ZNF791: variants seen among roughly 807,000 people sequenced by gnomAD.
The protein encoded by ZNF791 is zinc finger protein 791.
In ZNF791, 4 loss-of-function variants were observed where a neutral mutation model predicts 11.5. That is an observed-to-expected ratio of 0.35 (90% CI 0.17 to 0.80). ZNF791 has a LOEUF of 0.80. Ranked by LOEUF, ZNF791 falls within the 30% of genes least tolerant of loss-of-function variation. ZNF791 has a pLI of 0.53. For missense variants in ZNF791, 559 were observed against 699.4 expected (o/e 0.80, Z 2.26); for synonymous variants, 212 against 228.1 (o/e 0.93, Z 0.64).
chr19:12,619,266 T>C (rs1568287462), intron 1 of ZNF791, among the ~76,000 whole-genome samples: 2 of 152,286 alleles, frequency 1.3e-5, no homozygotes. Context: ...ATAATGCTCC[T>C]ACTATTTTTG....
At chr19:12,623,850 T>C (rs1568289131) in intron 2 of ZNF791, 24 bp downstream of exon 2, 6 of 949,256 alleles carry the variant, frequency 6.3e-6, no homozygotes, top group Non-Finnish European at 9.0e-6. Flanking sequence ...CATTTTTTCT[T>C]TTTTCTTTTT....
In ZNF791 at chr19:12,631,401, G is replaced by T. The variant is rs2023499834; in HGVS notation, c.*2141G>T. The T allele has an allele frequency of 6.6e-6, 1 of 152,108 alleles. No homozygotes were observed. The highest frequency in any genetic ancestry group is 2.4e-5 in the African/African-American group (1 of 41,396). 9.4% of individuals were successfully genotyped at this position (152,108 alleles called of 1,614,324 possible). A position where few individuals can be genotyped will look rare whatever the true frequency, so the allele number is the denominator to read the frequency against. ...CAATCTCTGCCTGTAAAATGCTCCAGAAAATTCACACCATGATATAAATTC... is the reference window on the plus strand; with the variant it reads ...CAATCTCTGCCTGTAAAATGCTCCATAAAATTCACACCATGATATAAATTC... On this transcript the variant is annotated 3_prime_UTR_variant, in exon 4 of 4. Transcript: ENST00000343325.
chr19:12,623,846 TTC>T lies in ZNF791; in HGVS notation c.130+22_130+23del, dbSNP rs2023387304. The T allele has an allele frequency of 8.9e-7, 1 of 1,120,552 alleles. No homozygotes were observed. Among genetic ancestry groups the T allele is most frequent in the South Asian group, 1.6e-5 (1 of 63,032 alleles). The allele number at this position is 1,120,552 out of a possible 1,614,324, so 69.4% of individuals were successfully genotyped here. ...CTATAGGTAAGGATGACATCATTTT[TTC>T]TTTTTTCTTTTTTTTTTTTTTTGGG... On this transcript the variant is annotated intron_variant, in intron 2 of 3. Coordinates refer to ENST00000343325, the MANE Select transcript of ZNF791 (RefSeq NM_153358.3).
intron 1 of ZNF791, 153 bp from the exon 2 acceptor site, chr19:12,623,547 T>C: frequency 2.2e-6 from 2 of 909,794 alleles, no homozygotes; most frequent in Non-Finnish European, 3.4e-6. Context: ...TAGCTATAAG[T>C]TTATGTGTTC....
chr19:12,612,249 G>A, intron 1 of ZNF791: 1 of 534,216 alleles, frequency 1.9e-6, no homozygotes, highest in Non-Finnish European at 2.4e-6. Flanking sequence ...GTGTTGCTCA[G>A]GCTGATCTTG....
chr19:12,615,779 CAA>C (rs1184737319), intron 1 of ZNF791, among the ~76,000 whole-genome samples: 40 of 58,382 alleles, frequency 6.9e-4, no homozygotes, highest in African/African-American at 9.2e-4. Context: ...GACTCCGTCT[CAA>C]AAAAAAAAAA....
At chr19:12,612,706 G>A (rs1459013902) in intron 1 of ZNF791, among the ~76,000 whole-genome samples, 15 of 146,184 alleles carry the variant, frequency 1.0e-4, no homozygotes, top group African/African-American at 3.1e-4. Flanking sequence ...TGATCCTCCC[G>A]CCTTGGCCTC....
In ZNF791 at chr19:12,629,221, C is replaced by A; in HGVS notation, c.1692C>A (p.Ser564=). ...CKQCGKAFSV[S]TSLKKHMRMH... is the part of the protein sequence containing the mutation. ...AATGTGGAAAAGCCTTCAGTGTGTC[C>A]ACATCCTTAAAAAAACATATGAGAA... Residue 564 remains serine, a synonymous_variant, in exon 4 of 4, where the codon TCC becomes TCA. Coordinates refer to ENST00000343325, the MANE Select transcript of ZNF791 (RefSeq NM_153358.3). 6.6e-7 allele frequency: 1 copy of A among 1,515,542 alleles called. No individual in the cohort carries two copies. Among genetic ancestry groups the A allele is most frequent in the South Asian group, 1.3e-5 (1 of 74,076 alleles). 93.9% of individuals were successfully genotyped at this position (1,515,542 alleles called of 1,614,324 possible). A position where few individuals can be genotyped will look rare whatever the true frequency, so the allele number is the denominator to read the frequency against.
chr19:12,626,051 T>C (rs952521935), intron 3 of ZNF791, among the ~76,000 whole-genome samples: 13 of 152,076 alleles, frequency 8.5e-5, no homozygotes, highest in Middle Eastern at 3.2e-3. Context: ...GGAGTCTCGC[T>C]CTGTCACCAG....
At chr19:12,620,016 C>T (rs1451867511) in intron 1 of ZNF791, among the ~76,000 whole-genome samples, 2 of 151,928 alleles carry the variant, frequency 1.3e-5, no homozygotes, top group East Asian at 3.9e-4. Context: ...CTCCGCCTCC[C>T]GGGTTCCCGC....
Position 12,611,011 on chromosome 19 carries a change from G to A in ZNF791, c.-69G>A. On this transcript the variant is annotated 5_prime_UTR_variant, in exon 1 of 4. Coordinates refer to ENST00000343325, the MANE Select transcript of ZNF791 (RefSeq NM_153358.3). ...GTCAGGTTGCTGTACCCCTGCATCG[G>A]ATGCGCTGTACCCTGCGCTGGCTCC... 6.2e-7 allele frequency: 1 copy of A among 1,610,770 alleles called. No individual in the cohort carries two copies. Among genetic ancestry groups the A allele is most frequent in the Non-Finnish European group, 8.5e-7 (1 of 1,177,338 alleles).
chr19:12,629,123 G>T lies in ZNF791; in HGVS notation c.1594G>T (p.Ala532Ser), dbSNP rs1332713977. 6.2e-7 allele frequency: 1 copy of T among 1,605,716 alleles called. No individual in the cohort carries two copies. The highest frequency in any genetic ancestry group is 1.3e-5 in the African/African-American group (1 of 74,594). ...CTATAAATGTAAAGAATGTGGGAAG[G>T]CCTTTAGTCTTCACAGTTCCTTTCA... ...KPYKCKECGK[A>S]FSLHSSFQRH... Residue 532 changes from alanine (A) to serine (S), a missense_variant, in exon 4 of 4, where the codon GCC becomes TCC. Coordinates refer to ENST00000343325, the MANE Select transcript of ZNF791 (RefSeq NM_153358.3).
chr19:12,615,008 TCAA>T (rs2023224558), intron 1 of ZNF791, among the ~76,000 whole-genome samples: 1 of 107,688 alleles, frequency 9.3e-6, no homozygotes, highest in African/African-American at 3.5e-5. Flanking sequence ...TCTCCTATGT[TCAA>T]CTTTTTTTTT....
rs1009143079 is a variant in ZNF791, at chr19:12,630,708, A to G, written c.*1448A>G. ...AAACATGGAGGCAGAAGACAATGAT[A>G]TTGATGATCCTCACCCCGTGTAGTC... On this transcript the variant is annotated 3_prime_UTR_variant, in exon 4 of 4. Coordinates refer to ENST00000343325, the MANE Select transcript of ZNF791 (RefSeq NM_153358.3). The G allele has an allele frequency of 2.0e-5, 3 of 152,116 alleles. No individual in the cohort carries two copies. The East Asian group carries it at 5.8e-4, about 29-fold the overall frequency. The allele number at this position is 152,116 out of a possible 1,614,324, so 9.4% of individuals were successfully genotyped here. A position where few individuals can be genotyped will look rare whatever the true frequency, so the allele number is the denominator to read the frequency against.
At chr19:12,613,793 GA>G (rs767102584) in intron 1 of ZNF791, among the ~76,000 whole-genome samples, 29 of 152,120 alleles carry the variant, frequency 1.9e-4, no homozygotes, top group Non-Finnish European at 3.7e-4. Context: ...ACCATGGAAG[GA>G]TCCTCTTGTA....
In ZNF791 at chr19:12,624,658, TGGGAAGACCC is replaced by T; in HGVS notation, c.141_150del (p.Trp47Ter). On this transcript the variant is annotated frameshift_variant, in exon 3 of 4. Coordinates refer to ENST00000343325, the MANE Select transcript of ZNF791 (RefSeq NM_153358.3). LOFTEE classifies it high-confidence loss of function. ...CTTGATCTACATTTTAGGGGAAAAA[TGGGAAGACCC>T]GAATGTTGAAGATCAACACAAAAAC... 6.2e-7 allele frequency: 1 copy of T among 1,605,380 alleles called. No individual in the cohort carries two copies. The highest frequency in any genetic ancestry group is 8.5e-7 in the Non-Finnish European group (1 of 1,175,562).
At chr19:12,617,913 CTTTTTTTTTTT>C (rs958944041) in intron 1 of ZNF791, among the ~76,000 whole-genome samples, 21 of 94,746 alleles carry the variant, frequency 2.2e-4, no homozygotes, top group Non-Finnish European at 4.5e-4. Context: ...CTAAATTTTG[CTTTTTTTTTTT>C]TTTTTTTTTT....
At chr19:12,619,910 T>C (rs2023311309) in intron 1 of ZNF791, among the ~76,000 whole-genome samples, 1 of 151,020 alleles carries the variant, frequency 6.6e-6, no homozygotes, top group Non-Finnish European at 1.5e-5. Flanking sequence ...TTTATTTATT[T>C]ATTTATTTTT....
chr19:12,623,876 G>GGGA, intron 2 of ZNF791, 50 bp downstream of exon 2: 1 of 833,958 alleles, frequency 1.2e-6, no homozygotes, highest in Non-Finnish European at 1.8e-6. Flanking sequence ...TTTTTGGGGG[G>GGGA]GGACAGAGTT....
Sources: gnomAD v4.1 joint callset for allele counts (sites outside exome capture counted in the v4.1 genomes callset) on GRCh38, gnomAD v4.1.1 for gene constraint, MANE v1.5 for transcripts, NCBI Gene and HGNC (gene_info 2026-07-23, HGNC 2026-07-21) for gene names.